NAV1: variants seen among roughly 807,000 people sequenced by gnomAD.
The protein encoded by NAV1 is neuron navigator 1.
NAV1 carries 18 observed loss-of-function variants against 175.2 expected under a neutral mutation model. The observed-to-expected ratio is 0.10, with a 90% confidence interval of 0.07 to 0.15. The LOEUF (loss-of-function observed/expected upper bound fraction) is 0.15. Ranked by LOEUF, NAV1 falls within the 10% of genes least tolerant of loss-of-function variation. NAV1 has a pLI of 1.00. For missense variants in NAV1, 1,731 were observed against 2,436.6 expected (o/e 0.71, Z 6.10); for synonymous variants, 897 against 978.7 (o/e 0.92, Z 1.56).
rs1311980376 is a variant in NAV1, at chr1:201,539,861, C to T, written c.-144+519C>T. Among the ~76,000 whole-genome samples, 1 of 152,200 alleles carries T rather than the reference C, an allele frequency of 6.6e-6. No individual in the cohort carries two copies. Among genetic ancestry groups the T allele is most frequent in the Non-Finnish European group, 1.5e-5 (1 of 68,030 alleles). ...TCGCGGGCCGTTCCAGAAAACGTTC[C>T]CCGCACCCCCGGGATGCGCCGGGAA... On this transcript the variant is annotated intron_variant, in intron 1 of 33. Coordinates refer to the NAV1 transcript ENST00000685211. This position sits in a 1 kb window ranked among gnomAD's most constrained non-coding sequence, Gnocchi z 5.6.
At chr1:201,645,438 T>A (rs1558033187), upstream of NAV1, among the ~76,000 whole-genome samples, 1 of 147,900 alleles carries the variant, frequency 6.8e-6, no homozygotes, top group Non-Finnish European at 1.5e-5. Flanking sequence ...CATTAGGAGA[T>A]ATACCTAATG....
At chr1:201,690,674 G>A (rs1449306640) in intron 1 of NAV1, among the ~76,000 whole-genome samples, 11 of 129,980 alleles carry the variant, frequency 8.5e-5, no homozygotes, top group South Asian at 2.6e-4. Context: ...TATTTCCTCC[G>A]TGGCCTGTCC....
At chr1:201,546,083 C>G (rs1178530842) in intron 1 of NAV1, among the ~76,000 whole-genome samples, 1 of 152,198 alleles carries the variant, frequency 6.6e-6, no homozygotes, top group Admixed American at 6.5e-5. Context: ...GGAGAGACAG[C>G]TGATGAGACA....
At chr1:201,730,332 C>T (rs1177667195) in intron 3 of NAV1, among the ~76,000 whole-genome samples, 1 of 152,228 alleles carries the variant, frequency 6.6e-6, no homozygotes, top group Non-Finnish European at 1.5e-5. Context: ...TTGGGAGGAT[C>T]ATATAACTCA....
intron 1 of NAV1, among the ~76,000 whole-genome samples, chr1:201,712,210 C>G (rs549558439): frequency 9.2e-5 from 14 of 152,332 alleles, no homozygotes; most frequent in African/African-American, 3.1e-4. Context: ...CCAGATATTA[C>G]CAGTCAGTGC....
chr1:201,812,747 T>C lies in NAV1; in HGVS notation c.5221+86T>C. ...CTGGAGGGATGCTCCCTTCTCTTCC[T>C]GGAGTCTTCGGCATGTAAAGGAGCT... On this transcript the variant is annotated intron_variant, in intron 27 of 29. Transcript: ENST00000367296. The surrounding 1 kb of genome is among the most constrained non-coding windows in gnomAD (Gnocchi z 4.6). 7.9e-7 allele frequency: 1 copy of C among 1,266,372 alleles called. No individual in the cohort carries two copies. Among genetic ancestry groups the C allele is most frequent in the Non-Finnish European group, 1.1e-6 (1 of 888,680 alleles). The allele number at this position is 1,266,372 out of a possible 1,614,324, so 78.4% of individuals were successfully genotyped here. A position where few individuals can be genotyped will look rare whatever the true frequency, so the allele number is the denominator to read the frequency against.
exon 30 of NAV1, chr1:201,826,800 A>G (rs2102860314): frequency 6.6e-6 from 1 of 152,370 alleles, no homozygotes; most frequent in Admixed American, 6.5e-5. Context: ...TTTAAATAAC[A>G]AATTATTTAA....
chr1:201,559,922 A>G (rs992301769), intron 1 of NAV1, among the ~76,000 whole-genome samples: 5 of 152,168 alleles, frequency 3.3e-5, no homozygotes, highest in Admixed American at 2.6e-4. Flanking sequence ...CTTGTGGGCT[A>G]AGGAAGCAGG....
exon 1 of NAV1, chr1:201,648,545 G>T (rs977740987): frequency 2.5e-5 from 31 of 1,240,330 alleles, no homozygotes; most frequent in Non-Finnish European, 3.0e-5. Flanking sequence ...CTTCTTCCTC[G>T]GTTTCTTCCG....
At chr1:201,766,977 A>G (rs1675249239) in intron 3 of NAV1, among the ~76,000 whole-genome samples, 1 of 151,314 alleles carries the variant, frequency 6.6e-6, no homozygotes, top group East Asian at 2.0e-4. Flanking sequence ...ACGCACCACC[A>G]CACCCAGCTA....
At chr1:201,562,609 G>A (rs1666233730) in intron 1 of NAV1, among the ~76,000 whole-genome samples, 2 of 152,240 alleles carry the variant, frequency 1.3e-5, no homozygotes. Context: ...CGGCAGGACT[G>A]ATCACTTTTG....
chr1:201,805,425 T>C (rs1289679240), intron 17 of NAV1, among the ~76,000 whole-genome samples: 1 of 151,968 alleles, frequency 6.6e-6, no homozygotes, highest in Non-Finnish European at 1.5e-5. Context: ...GAGAGGAATG[T>C]GTTGGGATGC....
intron 1 of NAV1, among the ~76,000 whole-genome samples, chr1:201,679,205 C>T (rs1294437615): frequency 3.3e-5 from 5 of 152,156 alleles, no homozygotes; most frequent in African/African-American, 7.2e-5. Flanking sequence ...TTCACAAAAC[C>T]GGCAGTGGTC....
chr1:201,563,652 A>T (rs1666270889), intron 1 of NAV1, among the ~76,000 whole-genome samples: 1 of 152,134 alleles, frequency 6.6e-6, no homozygotes, highest in Non-Finnish European at 1.5e-5. Flanking sequence ...TCATCAGCAA[A>T]ATGAGGGCAT....
intron 3 of NAV1, among the ~76,000 whole-genome samples, chr1:201,748,526 C>T (rs1200933444): frequency 3.9e-5 from 6 of 152,324 alleles, no homozygotes; most frequent in African/African-American, 7.2e-5. Context: ...TGGCCAGTCA[C>T]GTCCTCTGTC....
At chr1:201,656,079 T>A (rs1417453076) in intron 1 of NAV1, among the ~76,000 whole-genome samples, 1 of 152,236 alleles carries the variant, frequency 6.6e-6, no homozygotes, top group African/African-American at 2.4e-5. Context: ...CGCTGTTGTA[T>A]GTTGCGTGTT....
chr1:201,737,868 A>T (rs1673181664), intron 3 of NAV1, among the ~76,000 whole-genome samples: 1 of 152,192 alleles, frequency 6.6e-6, no homozygotes, highest in Non-Finnish European at 1.5e-5. Context: ...ATGCTGGCTG[A>T]GGCTAAAGAG....
intron 2 of NAV1, among the ~76,000 whole-genome samples, chr1:201,615,744 AC>A: frequency 6.6e-6 from 1 of 152,244 alleles, no homozygotes; most frequent in Non-Finnish European, 1.5e-5. Context: ...TAGGATTTGA[AC>A]CCAGATCTTC....
At position 201,782,289 on chromosome 1, in the gene NAV1, C is replaced by G. The variant is rs1412204126; in HGVS notation, c.1777C>G (p.Pro593Ala). The change falls in exon 6 of 30, where the codon CCC (proline) becomes GCC (alanine). Residue 593 changes from proline to alanine, a missense_variant. By Grantham distance (27) the Pro-to-Ala change is conservative. Coordinates refer to ENST00000367296, the Ensembl canonical transcript of NAV1. This position sits in a 1 kb window ranked among gnomAD's most constrained non-coding sequence, Gnocchi z 5.4. ...CCGCCTGAGTGATGCTAAGAAGCCC[C>G]CCTCGGGCATTGCTCGCCCCTCCAC... is the stretch of plus-strand genomic sequence containing the variant. 13 of 1,614,116 alleles carry G rather than the reference C, an allele frequency of 8.1e-6. No individual in the cohort carries two copies. The highest frequency in any genetic ancestry group is 1.3e-5 in the African/African-American group (1 of 74,944).
Sources: allele counts gnomAD v4.1 joint callset (sites outside exome capture counted in the v4.1 genomes callset), GRCh38; gene constraint gnomAD v4.1.1; non-coding constraint Gnocchi (gnomAD v3.1); transcripts MANE v1.5; gene names NCBI Gene and HGNC (gene_info 2026-07-23, HGNC 2026-07-21).